The following NAT10 variants were observed in gnomAD, a reference collection of about 807,000 sequenced individuals.
NAT10 encodes the protein RNA cytidine acetyltransferase.
In NAT10, 109 loss-of-function variants were observed where a neutral mutation model predicts 132.2. The ratio of observed to expected loss-of-function variants is 0.82; its 90% CI spans 0.71 to 0.97. The LOEUF (loss-of-function observed/expected upper bound fraction) is 0.97. Among genes scored for constraint, NAT10 ranks in the 50% least tolerant of loss-of-function variants. The pLI, the probability that NAT10 is intolerant of heterozygous loss-of-function variation, is 0.00. For synonymous variants in NAT10, 479 were observed against 478.0 expected, an observed-to-expected ratio of 1.00 and a Z score of -0.03; for missense variants, 1,184 against 1,263.4, an observed-to-expected ratio of 0.94 and a Z score of 0.95.
chr11:34,128,701 T>C (rs1226832434), intron 12 of NAT10, among the ~76,000 whole-genome samples: 1 of 152,232 alleles, frequency 6.6e-6, no homozygotes, highest in Non-Finnish European at 1.5e-5. Flanking sequence ...ACTCACATAC[T>C]GTACTATCTA....
At chr11:34,111,196 GC>G (rs148136087) in intron 3 of NAT10, among the ~76,000 whole-genome samples, 2,567 of 152,224 alleles carry the variant, frequency 0.017, 51 homozygotes, top group African/African-American at 0.059. Flanking sequence ...TAGCTCTTCT[GC>G]CCCACCCCTG....
In NAT10 at chr11:34,140,458, G is replaced by GA. The variant is rs773694402; in HGVS notation, c.2479dup (p.Met827AsnfsTer49). 1.5e-5 allele frequency: 24 copies of GA among 1,614,134 alleles called. No homozygotes were observed. The highest frequency in any genetic ancestry group is 2.7e-5 in the African/African-American group (2 of 74,946). On this transcript the variant is annotated frameshift_variant, in exon 24 of 29. Transcript: ENST00000257829. LOFTEE classifies it high-confidence loss of function. Reference sequence around the variant, plus strand: ...TCCCCTATGACCTGAAGCGGCTGGAGATGTATTCACGGAATATGGTGGACT... The same window carrying GA: ...TCCCCTATGACCTGAAGCGGCTGGAGAATGTATTCACGGAATATGGTGGACT...
chr11:34,131,411 A>G lies in NAT10; in HGVS notation c.1400A>G (p.Glu467Gly), dbSNP rs1220012305. 6.2e-7 allele frequency: 1 copy of G among 1,614,118 alleles called. No individual in the cohort carries two copies. Among genetic ancestry groups the G allele is most frequent in the South Asian group, 1.1e-5 (1 of 91,070 alleles). Reference protein sequence around the residue: ...ARTLYEVSLQESIRYAPGDAV... With the variant: ...ARTLYEVSLQGSIRYAPGDAV... ...ACACTGTATGAGGTTTCCCTCCAGG[A>G]GTCAATCCGATACGCCCCTGGGGAT... The change falls in exon 14 of 29, where the codon GAG becomes GGG. Residue 467 changes from glutamate to glycine, a missense_variant. Transcript: ENST00000257829.
In NAT10 at chr11:34,110,394, C is replaced by T. The variant is rs180807270; in HGVS notation, c.200+1561C>T. ...CCTATTGAAATCCTGTTTCTCAGGG[C>T]CTGCCTCCTCCGTGAAACTTTTCCT... On this transcript the variant is annotated intron_variant, in intron 3 of 28. Coordinates refer to ENST00000257829, the MANE Select transcript of NAT10 (RefSeq NM_024662.3). Among the ~76,000 whole-genome samples, 10 of 151,828 alleles carry T rather than the reference C, an allele frequency of 6.6e-5. No individual in the cohort carries two copies. The East Asian group carries it at 1.7e-3, about 27-fold the overall frequency.
intron 1 of NAT10, among the ~76,000 whole-genome samples, chr11:34,107,772 G>A (rs1187985936): frequency 6.6e-6 from 1 of 152,228 alleles, no homozygotes; most frequent in African/African-American, 2.4e-5. Context: ...CTACCTGGGA[G>A]GTTGAGGCAG....
chr11:34,141,489 CTG>C (rs979319044), intron 25 of NAT10, among the ~76,000 whole-genome samples: 1 of 151,888 alleles, frequency 6.6e-6, no homozygotes, highest in Non-Finnish European at 1.5e-5. Flanking sequence ...TCTAAAGAAT[CTG>C]TGAAGTTCTG....
At chr11:34,124,846 CAG>C (rs1851958116) in intron 11 of NAT10, among the ~76,000 whole-genome samples, 1 of 152,124 alleles carries the variant, frequency 6.6e-6, no homozygotes, top group South Asian at 2.1e-4. Context: ...CTTTTTTAAA[CAG>C]TGTTTTCCCA....
rs765183435 is a variant in NAT10 at position 34,131,419 on chromosome 11, C to T, written c.1408C>T (p.Arg470Ter). The T allele has an allele frequency of 2.1e-5, 34 of 1,613,970 alleles. No homozygotes were observed. The highest frequency in any genetic ancestry group is 1.3e-5 in the African/African-American group (1 of 74,904). ...LYEVSLQESIRYAPGDAVEKW... is the reference protein window; with the variant it reads ...LYEVSLQESI ...TGAGGTTTCCCTCCAGGAGTCAATC[C>T]GATACGCCCCTGGGGATGCAGTGGA... The change falls in exon 14 of 29, where the codon CGA (arginine) becomes TGA (stop). Residue 470 changes from arginine to a stop codon, truncating the protein, a stop_gained. Coordinates refer to ENST00000257829, the MANE Select transcript of NAT10 (RefSeq NM_024662.3). LOFTEE classifies it high-confidence loss of function.
In NAT10 at chr11:34,146,257, T is replaced by G; in HGVS notation, c.*65T>G. On this transcript the variant is annotated 3_prime_UTR_variant, in exon 29 of 29. Coordinates refer to ENST00000257829, the MANE Select transcript of NAT10 (RefSeq NM_024662.3). ...ATACTCTCACTAACTGAACCCTCTCTGGCTGGACTGTTAAAAGCAACGAGA... is the reference window on the plus strand; with the variant it reads ...ATACTCTCACTAACTGAACCCTCTCGGGCTGGACTGTTAAAAGCAACGAGA... 3 of 1,242,606 alleles carry G rather than the reference T, an allele frequency of 2.4e-6. No homozygotes were observed. Among genetic ancestry groups the G allele is most frequent in the Non-Finnish European group, 2.2e-6 (2 of 894,130 alleles). 77.0% of individuals were successfully genotyped at this position (1,242,606 alleles called of 1,614,324 possible). A position where few individuals can be genotyped will look rare whatever the true frequency, so the allele number is the denominator to read the frequency against.
chr11:34,136,600 C>T, intron 19 of NAT10, 42 bp from the exon 20 acceptor site: 2 of 1,613,116 alleles, frequency 1.2e-6, no homozygotes, highest in Middle Eastern at 3.3e-4. Context: ...GTCTCTCTCC[C>T]TCTGCTGAAT....
At chr11:34,110,024 T>C (rs943866917) in intron 3 of NAT10, among the ~76,000 whole-genome samples, 1 of 152,152 alleles carries the variant, frequency 6.6e-6, no homozygotes, top group Non-Finnish European at 1.5e-5. Context: ...CCTACAACTT[T>C]GTGTTTGGAG....
At chr11:34,119,896 A>T (rs1851857729) in intron 8 of NAT10, among the ~76,000 whole-genome samples, 1 of 152,186 alleles carries the variant, frequency 6.6e-6, no homozygotes, top group Admixed American at 6.5e-5. Flanking sequence ...AAGTTGCTGG[A>T]TGAGAGGTTG....
chr11:34,132,246 A>G, intron 15 of NAT10, 25 bp downstream of exon 15: 2 of 1,571,212 alleles, frequency 1.3e-6, no homozygotes, highest in Non-Finnish European at 1.8e-6. Flanking sequence ...CCCTTGTGTG[A>G]ATGGTAGCAG....
intron 8 of NAT10, among the ~76,000 whole-genome samples, chr11:34,120,471 C>G (rs769049070): frequency 6.6e-6 from 1 of 152,228 alleles, no homozygotes; most frequent in East Asian, 1.9e-4. Context: ...TTCTTAGCAT[C>G]ATTGCCTAGG....
Position 34,135,179 on chromosome 11 carries a change from G to A in NAT10, c.1916G>A (p.Gly639Asp), listed in dbSNP as rs1483938246. 1 of 1,613,814 alleles carries A rather than the reference G, an allele frequency of 6.2e-7. No homozygotes were observed. The highest frequency in any genetic ancestry group is 2.2e-5 in the East Asian group (1 of 44,882). ...IAVHPDYQGMGYGSRALQLLQ... is the reference protein window; with the variant it reads ...IAVHPDYQGMDYGSRALQLLQ... ...CCCCTTCACGTTTGCTCCTAGATGG[G>A]CTATGGCAGCCGTGCTCTGCAGCTG... The change falls in exon 19 of 29, where the codon GGC becomes GAC. Residue 639 changes from glycine to aspartate, a missense_variant. Coordinates refer to ENST00000257829, the MANE Select transcript of NAT10 (RefSeq NM_024662.3).
chr11:34,114,068 C>G (rs917491524), intron 5 of NAT10, among the ~76,000 whole-genome samples: 1 of 152,266 alleles, frequency 6.6e-6, no homozygotes, highest in East Asian at 1.9e-4. Context: ...CAGGCACTTG[C>G]AAATTCTACA....
chr11:34,143,599 G>A lies in NAT10; in HGVS notation c.2969+71G>A, dbSNP rs149449658. 373 of 1,424,252 alleles carry A rather than the reference G, an allele frequency of 2.6e-4. 1 individual carries two copies. In the East Asian group the frequency reaches 8.4e-3, roughly 32 times the overall value. The allele number at this position is 1,424,252 out of a possible 1,614,324, so 88.2% of individuals were successfully genotyped here. ...GGCCTCTCTGCTTCTCTTTAACTTTGACTAGAAAATAGGAGGTTGGAGCAA... is the reference window on the plus strand; with the variant it reads ...GGCCTCTCTGCTTCTCTTTAACTTTAACTAGAAAATAGGAGGTTGGAGCAA... On this transcript the variant is annotated intron_variant, in intron 28 of 28. Coordinates refer to ENST00000257829, the MANE Select transcript of NAT10 (RefSeq NM_024662.3).
In NAT10 at chr11:34,132,238, C is replaced by T; in HGVS notation, c.1617+17C>T. ...CACTACAAGGTAACTGCAGCTAGCC[C>T]TTGTGTGAATGGTAGCAGGGAGCTT... On this transcript the variant is annotated intron_variant, in intron 15 of 28. Coordinates refer to ENST00000257829, the MANE Select transcript of NAT10 (RefSeq NM_024662.3). The T allele has an allele frequency of 3.8e-6, 6 of 1,594,462 alleles. No individual in the cohort carries two copies. The highest frequency in any genetic ancestry group is 5.2e-6 in the Non-Finnish European group (6 of 1,162,240).
chr11:34,108,082 C>T (rs551324560), intron 1 of NAT10, 129 bp from the exon 2 acceptor site: 8 of 602,040 alleles, frequency 1.3e-5, no homozygotes, highest in Non-Finnish European at 2.0e-5. Flanking sequence ...CTGTGGAGCT[C>T]GTAGAGGGTT....
Sources: allele counts gnomAD v4.1 joint callset (sites outside exome capture counted in the v4.1 genomes callset), GRCh38; gene constraint gnomAD v4.1.1; transcripts MANE v1.5; gene names NCBI Gene and HGNC (gene_info 2026-07-23, HGNC 2026-07-21).